The following DLGAP4 variants were observed in gnomAD, a reference collection of about 807,000 sequenced individuals.
DLGAP4 encodes DLG associated protein 4, also known as disks large-associated protein 4.
A neutral mutation model predicts 86.9 loss-of-function variants in DLGAP4; 18 were observed. The observed-to-expected ratio is 0.21, with a 90% confidence interval of 0.14 to 0.31. The LOEUF (loss-of-function observed/expected upper bound fraction) is 0.31. Among genes scored for constraint, DLGAP4 ranks in the 10% least tolerant of loss-of-function variants. DLGAP4 has a pLI of 1.00. For missense variants in DLGAP4, 1,085 were observed against 1,362.6 expected, an observed-to-expected ratio of 0.80 and a Z score of 3.21; for synonymous variants, 548 against 574.3, an observed-to-expected ratio of 0.95 and a Z score of 0.65.
At chr20:36,399,874 G>C (rs1226601436) in intron 2 of DLGAP4, among the ~76,000 whole-genome samples, 14 of 152,186 alleles carry the variant, frequency 9.2e-5, no homozygotes, top group Admixed American at 9.2e-4. Flanking sequence ...AGGCTCTCAA[G>C]GGCACAGCAG....
intron 2 of DLGAP4, among the ~76,000 whole-genome samples, chr20:36,419,357 C>T (rs998206876): frequency 6.6e-6 from 1 of 152,068 alleles, no homozygotes; most frequent in Admixed American, 6.6e-5. Flanking sequence ...TTTTGAACTC[C>T]TGGCCTCAAG....
At chr20:36,469,218 A>G (rs539195338) in intron 7 of DLGAP4, among the ~76,000 whole-genome samples, 252 of 152,242 alleles carry the variant, frequency 1.7e-3, no homozygotes, top group Middle Eastern at 6.8e-3. Flanking sequence ...AAACACTGAC[A>G]GACAGAGCTG....
intron 10 of DLGAP4, among the ~76,000 whole-genome samples, chr20:36,509,836 A>T (rs2147807842): frequency 6.6e-6 from 1 of 151,356 alleles, no homozygotes; most frequent in African/African-American, 2.4e-5. Context: ...TATGACGAAT[A>T]TTTTCTGCCA....
intron 10 of DLGAP4, among the ~76,000 whole-genome samples, chr20:36,515,279 TTC>T (rs1470129426): frequency 6.6e-5 from 10 of 152,244 alleles, no homozygotes. Context: ...CACTGATCCA[TTC>T]TGTTTTTCAG....
At chr20:36,362,225 A>C (rs1255630445) in intron 1 of DLGAP4, among the ~76,000 whole-genome samples, 1 of 152,086 alleles carries the variant, frequency 6.6e-6, no homozygotes, top group Non-Finnish European at 1.5e-5. Context: ...ACACCACTGC[A>C]CTCCAGCCTG....
chr20:36,357,985 C>T (rs1197152727), intron 1 of DLGAP4, among the ~76,000 whole-genome samples: 1 of 152,192 alleles, frequency 6.6e-6, no homozygotes, highest in African/African-American at 2.4e-5. Flanking sequence ...CTGGCTGGGT[C>T]CTGAGTGAAC....
intron 1 of DLGAP4, among the ~76,000 whole-genome samples, chr20:36,334,935 G>C (rs1479046623): frequency 1.3e-5 from 2 of 152,124 alleles, no homozygotes; most frequent in Non-Finnish European, 2.9e-5. Context: ...TTGCCCCCCG[G>C]GGGTGGCAGA....
chr20:36,468,483 G>T (rs2034516782), intron 7 of DLGAP4, among the ~76,000 whole-genome samples: 1 of 152,270 alleles, frequency 6.6e-6, no homozygotes, highest in South Asian at 2.1e-4. Flanking sequence ...GTTGGTCCCA[G>T]TGTACAGCCA....
intron 2 of DLGAP4, among the ~76,000 whole-genome samples, chr20:36,380,685 A>C (rs2031358653): frequency 6.7e-6 from 1 of 149,374 alleles, no homozygotes; most frequent in Non-Finnish European, 1.5e-5. Context: ...CAGGCAGGCA[A>C]GCCAGGGCCA....
intron 2 of DLGAP4, among the ~76,000 whole-genome samples, chr20:36,429,332 G>A (rs923935604): frequency 2.0e-5 from 3 of 150,978 alleles, no homozygotes; most frequent in Non-Finnish European, 4.4e-5. Flanking sequence ...CCCTGCCTTG[G>A]CCTCCAAAAG....
chr20:36,526,720 A>G, intron 12 of DLGAP4, 93 bp from the exon 13 acceptor site: 1 of 1,204,824 alleles, frequency 8.3e-7, no homozygotes, highest in African/African-American at 1.5e-5. Context: ...GCTGGGGTGG[A>G]GACTCCAGCT....
At chr20:36,481,025 A>G (rs1231442122) in intron 7 of DLGAP4, among the ~76,000 whole-genome samples, 2 of 152,178 alleles carry the variant, frequency 1.3e-5, no homozygotes, top group African/African-American at 4.8e-5. Context: ...TGAACTATGA[A>G]TGTCATGCAC....
chr20:36,458,847 C>A (rs1440306303), intron 7 of DLGAP4, among the ~76,000 whole-genome samples: 1 of 152,120 alleles, frequency 6.6e-6, no homozygotes, highest in African/African-American at 2.4e-5. Context: ...GGTGACAACT[C>A]ACTGGATCCT....
intron 10 of DLGAP4, among the ~76,000 whole-genome samples, chr20:36,522,806 G>A (rs1358214429): frequency 2.0e-5 from 3 of 152,066 alleles, no homozygotes; most frequent in Non-Finnish European, 4.4e-5. Flanking sequence ...GCTTTTCAGT[G>A]ATTTCTAAGG....
rs113652035 is a variant in DLGAP4, at chr20:36,355,237, G to A, written c.-303-11808G>A. Reference sequence around the variant, plus strand: ...GAGACATATAACATGTAGTCTTCACGTCTAGCTTCATTCACTCAGCATAAT... The same window carrying A: ...GAGACATATAACATGTAGTCTTCACATCTAGCTTCATTCACTCAGCATAAT... On this transcript the variant is annotated intron_variant, in intron 1 of 12. Coordinates refer to ENST00000339266, the MANE Select transcript of DLGAP4 (RefSeq NM_001365621.2). 8.9e-3 allele frequency among the ~76,000 whole-genome samples: 1,347 copies of A among 151,574 alleles called. 24 individuals carry two copies. The highest frequency in any genetic ancestry group is 0.029 in the African/African-American group (1,181 of 41,320).
intron 7 of DLGAP4, among the ~76,000 whole-genome samples, chr20:36,494,503 G>A (rs1289225480): frequency 7.9e-5 from 12 of 152,096 alleles, no homozygotes; most frequent in Non-Finnish European, 1.3e-4. Flanking sequence ...CCCCTTACTC[G>A]ATTTCCCTCA....
At chr20:36,487,782 A>G (rs2147732395) in intron 7 of DLGAP4, among the ~76,000 whole-genome samples, 1 of 152,288 alleles carries the variant, frequency 6.6e-6, no homozygotes, top group South Asian at 2.1e-4. Flanking sequence ...AAACCATGGT[A>G]ACAAAATTGG....
chr20:36,446,353 C>A (rs546184642), intron 6 of DLGAP4, among the ~76,000 whole-genome samples: 17 of 152,298 alleles, frequency 1.1e-4, no homozygotes, highest in Admixed American at 2.6e-4. Flanking sequence ...ACATTCAGGA[C>A]AGACATTGCT....
chr20:36,365,259 T>C (rs1266477493), intron 1 of DLGAP4, among the ~76,000 whole-genome samples: 1 of 152,224 alleles, frequency 6.6e-6, no homozygotes, highest in African/African-American at 2.4e-5. Flanking sequence ...TGCCACTTCT[T>C]TTCCTTCAGC....
Sources: allele counts gnomAD v4.1 joint callset (sites outside exome capture counted in the v4.1 genomes callset), GRCh38; gene constraint gnomAD v4.1.1; transcripts MANE v1.5; gene names NCBI Gene and HGNC (gene_info 2026-07-23, HGNC 2026-07-21).